Variants in CFAP418 observed in about 807,000 individuals in gnomAD.
CFAP418 encodes the protein cilia and flagella associated protein 418.
In CFAP418, 27 loss-of-function variants were observed where a neutral mutation model predicts 24.7. The observed-to-expected ratio is 1.09, with a 90% CI of 0.81 to 1.51. The LOEUF (loss-of-function observed/expected upper bound fraction) is 1.51. Ranked by LOEUF, CFAP418 falls within the 40% of genes most tolerant of loss-of-function variation. The pLI, the probability that CFAP418 is intolerant of heterozygous loss-of-function variation, is 0.00. For missense variants in CFAP418, 257 were observed against 255.2 expected (o/e 1.01, Z -0.05); for synonymous variants, 74 against 87.3 (o/e 0.85, Z 0.85).
At position 95,247,803 on chromosome 8, in the gene CFAP418, G is replaced by C. The variant is rs897381099; in HGVS notation, c.471-33C>G. On this transcript the variant is annotated intron_variant, in intron 5 of 5. Coordinates refer to ENST00000286688, the MANE Select transcript of CFAP418 (RefSeq NM_177965.4). ...TAAAACAGGAAAGTTTTAGCATAGT[G>C]GCTTTGTTCAGTGCTTAATGATTAA... The C allele has an allele frequency of 1.9e-6, 3 of 1,552,776 alleles. No individual in the cohort carries two copies. The East Asian group carries it at 6.8e-5, about 35-fold the overall frequency.
At chr8:95,259,942 T>C (rs779234623) in intron 3 of CFAP418, 37 bp from the exon 4 acceptor site, 6 of 1,514,912 alleles carry the variant, frequency 4.0e-6, no homozygotes, top group South Asian at 1.3e-5. Context: ...TATGAAGTTA[T>C]AACAAAAAAT....
At chr8:95,255,528 C>T (rs1441397) in intron 4 of CFAP418, among the ~76,000 whole-genome samples, 3,993 of 152,270 alleles carry the variant, frequency 0.026, 69 homozygotes, top group Middle Eastern at 0.034. Context: ...CCCATATGTT[C>T]CCTTTATGTC....
chr8:95,247,826 T>TAAAAAAAA (rs35181539), intron 5 of CFAP418, 56 bp from the exon 6 acceptor site: 1 of 992,594 alleles, frequency 1.0e-6, no homozygotes, highest in Non-Finnish European at 1.3e-6. Flanking sequence ...GCTTAATGAT[T>TAAAAAAAA]AAAAAAAAAA....
At chr8:95,259,731 C>A in intron 4 of CFAP418, 109 bp downstream of exon 4, 1 of 793,644 alleles carries the variant, frequency 1.3e-6, no homozygotes. Context: ...ATAAAAATAC[C>A]TCTCCTTATA....
intron 4 of CFAP418, among the ~76,000 whole-genome samples, chr8:95,259,227 A>C (rs749820933): frequency 3.3e-5 from 5 of 152,172 alleles, no homozygotes; most frequent in Non-Finnish European, 7.4e-5. Flanking sequence ...GGTTTGCTTA[A>C]AGCCAAACTG....
At chr8:95,260,726 G>T (rs1811873880) in intron 2 of CFAP418, among the ~76,000 whole-genome samples, 194 bp from the exon 3 acceptor site, 1 of 152,120 alleles carries the variant, frequency 6.6e-6, no homozygotes, top group African/African-American at 2.4e-5. Flanking sequence ...ACTCCCTAAG[G>T]AATGTGCAAA....
chr8:95,247,752 A>G lies in CFAP418; in HGVS notation c.489T>C (p.Phe163=), dbSNP rs1465166152. ...YLFFRNNMPE[F]HKLKAKLIKK... ...TTATCAACTTTGCTTTTAATTTGTG[A>G]AATTCTGGCATGTTGTTCCTATTAG... The change falls in exon 6 of 6, where the codon TTT becomes TTC. Residue 163 remains phenylalanine, a synonymous_variant. Coordinates refer to ENST00000286688, the MANE Select transcript of CFAP418 (RefSeq NM_177965.4). The G allele has an allele frequency of 6.2e-7, 1 of 1,611,364 alleles. No individual in the cohort carries two copies. The highest frequency in any genetic ancestry group is 8.5e-7 in the Non-Finnish European group (1 of 1,178,476).
Position 95,245,077 on chromosome 8 carries a change from A to G in CFAP418, c.*2540T>C, listed in dbSNP as rs1185109979. ...TTAAAAATAGCTACTTGCTAAAGAT[A>G]GAAAATTATTATAAATCTTAAAAAC... is the stretch of plus-strand genomic sequence containing the variant. On this transcript the variant is annotated 3_prime_UTR_variant, in exon 6 of 6. Coordinates refer to ENST00000286688, the MANE Select transcript of CFAP418 (RefSeq NM_177965.4). 1 of 152,214 alleles carries G rather than the reference A, an allele frequency of 6.6e-6. No individual in the cohort carries two copies. Among genetic ancestry groups the G allele is most frequent in the Non-Finnish European group, 1.5e-5 (1 of 68,036 alleles). The allele number at this position is 152,214 out of a possible 1,614,324, so 9.4% of individuals were successfully genotyped here.
intron 1 of CFAP418, among the ~76,000 whole-genome samples, chr8:95,267,453 T>C (rs1812009103): frequency 6.6e-6 from 1 of 152,072 alleles, no homozygotes; most frequent in Admixed American, 6.5e-5. Context: ...TACAAAAAAT[T>C]AGCCAGGCGT....
At chr8:95,266,933 C>T (rs1201841899) in intron 1 of CFAP418, among the ~76,000 whole-genome samples, 1 of 152,218 alleles carries the variant, frequency 6.6e-6, no homozygotes, top group Admixed American at 6.5e-5. Flanking sequence ...GGCTTCAATA[C>T]ATCCTGCCCC....
At chr8:95,256,943 GAAC>G (rs1811800655) in intron 4 of CFAP418, among the ~76,000 whole-genome samples, 1 of 152,168 alleles carries the variant, frequency 6.6e-6, no homozygotes, top group South Asian at 2.1e-4. Context: ...GAGAGAAGAG[GAAC>G]AACAAGGATA....
chr8:95,267,239 G>T (rs138987379), intron 1 of CFAP418, among the ~76,000 whole-genome samples: 2,532 of 152,270 alleles, frequency 0.017, 44 homozygotes, highest in Non-Finnish European at 0.019. Context: ...CTAATTTTTA[G>T]AAATTTTGTT....
At chr8:95,253,593 T>C (rs1388930478) in intron 4 of CFAP418, among the ~76,000 whole-genome samples, 1 of 152,226 alleles carries the variant, frequency 6.6e-6, no homozygotes, top group Non-Finnish European at 1.5e-5. Context: ...AAATGCTTTG[T>C]ATTTCTAAAA....
At chr8:95,268,183 G>GC (rs1812034024) in intron 1 of CFAP418, among the ~76,000 whole-genome samples, 1 of 152,090 alleles carries the variant, frequency 6.6e-6, no homozygotes, top group African/African-American at 2.4e-5. Flanking sequence ...GCGATGGCTC[G>GC]CAACTGTAAT....
intron 1 of CFAP418, among the ~76,000 whole-genome samples, chr8:95,266,089 T>C (rs1811974432): frequency 6.6e-6 from 1 of 152,242 alleles, no homozygotes; most frequent in South Asian, 2.1e-4. Context: ...CAATATGACT[T>C]TAGGCAAGTA....
At chr8:95,252,062 C>A in intron 5 of CFAP418, 126 bp downstream of exon 5, 1 of 660,130 alleles carries the variant, frequency 1.5e-6, no homozygotes, top group Middle Eastern at 2.6e-4. Context: ...CATAACGCAG[C>A]ACATGACTAT....
chr8:95,244,939 A>G lies in CFAP418; in HGVS notation c.*2678T>C, dbSNP rs1811591980. ...TAATGTCCATCCAAATGAATATTTTACTATAAAATAAAAGAAGTAAATAAT... is the reference window on the plus strand; with the variant it reads ...TAATGTCCATCCAAATGAATATTTTGCTATAAAATAAAAGAAGTAAATAAT... On this transcript the variant is annotated 3_prime_UTR_variant, in exon 6 of 6. Transcript: ENST00000286688. 6.6e-6 allele frequency: 1 copy of G among 152,104 alleles called. No homozygotes were observed. The highest frequency in any genetic ancestry group is 2.1e-4 in the South Asian group (1 of 4,836). 9.4% of individuals were successfully genotyped at this position (152,104 alleles called of 1,614,324 possible).
At chr8:95,267,876 GTT>G (rs560663569) in intron 1 of CFAP418, among the ~76,000 whole-genome samples, 3 of 137,238 alleles carry the variant, frequency 2.2e-5, no homozygotes, top group Admixed American at 1.5e-4. Context: ...CAAACATTTT[GTT>G]TTTTTTTTTT....
intron 5 of CFAP418, among the ~76,000 whole-genome samples, chr8:95,251,507 C>T (rs577150775): frequency 7.9e-5 from 12 of 152,204 alleles, no homozygotes; most frequent in Non-Finnish European, 1.6e-4. Flanking sequence ...GTCATGAATG[C>T]CATGCTAAGG....
Sources: allele counts gnomAD v4.1 joint callset (sites outside exome capture counted in the v4.1 genomes callset), GRCh38; gene constraint gnomAD v4.1.1; transcripts MANE v1.5; gene names NCBI Gene and HGNC (gene_info 2026-07-23, HGNC 2026-07-21).